Variants in CNOT4 observed in about 807,000 individuals in gnomAD.
CNOT4 encodes CCR4-NOT transcription complex subunit 4.
In CNOT4, 8 loss-of-function variants were observed where a neutral mutation model predicts 73.8. The ratio of observed to expected loss-of-function variants is 0.11; its 90% CI spans 0.06 to 0.20. The LOEUF is 0.20. Among genes scored for constraint, CNOT4 ranks in the 10% least tolerant of loss-of-function variants. CNOT4 has a pLI of 1.00. For missense variants in CNOT4, 564 were observed against 883.4 expected (o/e 0.64, Z 4.58); for synonymous variants, 293 against 321.1 (o/e 0.91, Z 0.94).
At chr7:135,425,563 C>G (rs928129069) in intron 2 of CNOT4, among the ~76,000 whole-genome samples, 1 of 152,110 alleles carries the variant, frequency 6.6e-6, no homozygotes, top group African/African-American at 2.4e-5. Flanking sequence ...GTTGTTGGAA[C>G]ATAACTGCTA....
intron 6 of CNOT4, among the ~76,000 whole-genome samples, chr7:135,412,866 T>A (rs983789821): frequency 4.6e-5 from 7 of 151,972 alleles, no homozygotes; most frequent in Admixed American, 4.6e-4. Flanking sequence ...ACATTTTTAC[T>A]TGTTAAGGCA....
chr7:135,486,358 T>C (rs1802719725), intron 1 of CNOT4, among the ~76,000 whole-genome samples: 2 of 152,068 alleles, frequency 1.3e-5, no homozygotes, highest in African/African-American at 4.8e-5. Context: ...CAATAAAATA[T>C]CACTACGGAT....
At chr7:135,394,909 A>ATG (rs1183886014) in intron 9 of CNOT4, among the ~76,000 whole-genome samples, 1 of 152,170 alleles carries the variant, frequency 6.6e-6, no homozygotes, top group Non-Finnish European at 1.5e-5. Flanking sequence ...GCTGTTGTCA[A>ATG]TGTTACTTTT....
At chr7:135,482,634 AG>A (rs2129487303) in intron 1 of CNOT4, among the ~76,000 whole-genome samples, 1 of 152,154 alleles carries the variant, frequency 6.6e-6, no homozygotes, top group Non-Finnish European at 1.5e-5. Flanking sequence ...AGGAAAAAAA[AG>A]AGAGAGAGAA....
At chr7:135,397,510 C>T (rs959144756) in intron 8 of CNOT4, among the ~76,000 whole-genome samples, 1 of 151,384 alleles carries the variant, frequency 6.6e-6, no homozygotes, top group African/African-American at 2.4e-5. Context: ...TTCATAAATA[C>T]TGTGGAGGAC....
intron 1 of CNOT4, among the ~76,000 whole-genome samples, chr7:135,496,789 A>G (rs1450817487): frequency 1.3e-5 from 2 of 152,042 alleles, no homozygotes; most frequent in Non-Finnish European, 2.9e-5. Flanking sequence ...CCAAAAGTTT[A>G]AGTTGAGTCC....
intron 8 of CNOT4, among the ~76,000 whole-genome samples, chr7:135,396,532 C>T (rs1374152556): frequency 6.6e-6 from 1 of 152,126 alleles, no homozygotes; most frequent in Non-Finnish European, 1.5e-5. Context: ...AGAGGCCAAA[C>T]ACAAATTATT....
At chr7:135,459,261 T>C (rs958637317) in intron 1 of CNOT4, among the ~76,000 whole-genome samples, 3 of 151,900 alleles carry the variant, frequency 2.0e-5, no homozygotes, top group Non-Finnish European at 4.4e-5. Context: ...CCCTAAACCA[T>C]GCTGTAAACA....
At chr7:135,408,194 A>C (rs147945919) in intron 7 of CNOT4, among the ~76,000 whole-genome samples, 7 of 152,342 alleles carry the variant, frequency 4.6e-5, no homozygotes, top group Non-Finnish European at 1.0e-4. Flanking sequence ...TTATATGTAA[A>C]GATGTTCATA....
At position 135,482,814 on chromosome 7, in the gene CNOT4, C is replaced by T. The variant is rs192782110; in HGVS notation, c.-93+27075G>A. On this transcript the variant is annotated intron_variant, in intron 1 of 11. Transcript: ENST00000541284. ...TGGCCAACGTGGTGAAACCCTGTCT[C>T]TAATTTTGTAAAAATACAAAAATTA... Among the ~76,000 whole-genome samples, 143 of 151,740 alleles carry T rather than the reference C, an allele frequency of 9.4e-4. 1 individual carries two copies. The highest frequency in any genetic ancestry group is 3.7e-3 in the Admixed American group (56 of 15,216).
intron 10 of CNOT4, chr7:135,387,648 G>A (rs1169446998): frequency 2.0e-6 from 2 of 984,120 alleles, no homozygotes; most frequent in African/African-American, 1.8e-5. Flanking sequence ...GATGCTTCAT[G>A]TAGGCAGAAT....
chr7:135,472,432 A>G (rs1440542541), intron 1 of CNOT4, among the ~76,000 whole-genome samples: 3 of 132,090 alleles, frequency 2.3e-5, no homozygotes, highest in African/African-American at 8.5e-5. Context: ...AGCAGAGATC[A>G]TGCCACTGCA....
chr7:135,378,984 CAAAAAAA>C (rs34447722), intron 10 of CNOT4, among the ~76,000 whole-genome samples: 1 of 97,148 alleles, frequency 1.0e-5, no homozygotes, highest in Non-Finnish European at 2.0e-5. Context: ...AACCCTGTCT[CAAAAAAA>C]AAAAAAAAAA....
At chr7:135,427,296 A>G (rs1798561257) in intron 2 of CNOT4, among the ~76,000 whole-genome samples, 1 of 151,860 alleles carries the variant, frequency 6.6e-6, no homozygotes, top group Non-Finnish European at 1.5e-5. Context: ...TGGTCTTTTC[A>G]GAGAACCAGC....
At chr7:135,477,768 A>G (rs1445967181) in intron 1 of CNOT4, among the ~76,000 whole-genome samples, 5 of 152,358 alleles carry the variant, frequency 3.3e-5, no homozygotes, top group African/African-American at 1.2e-4. Flanking sequence ...GTATATTAGT[A>G]TAACAAAAAC....
intron 7 of CNOT4, among the ~76,000 whole-genome samples, chr7:135,399,027 T>C (rs1317491894): frequency 6.6e-6 from 1 of 152,036 alleles, no homozygotes; most frequent in Non-Finnish European, 1.5e-5. Flanking sequence ...ATAGAGAAAA[T>C]GTAGTACCAT....
chr7:135,456,528 C>T (rs535685203), intron 1 of CNOT4, among the ~76,000 whole-genome samples: 13 of 152,014 alleles, frequency 8.6e-5, no homozygotes, highest in South Asian at 2.1e-4. Context: ...TATAATCATC[C>T]GTCGGTATCA....
At chr7:135,509,815 C>A (rs1446135592) in intron 1 of CNOT4, 74 bp downstream of exon 1, 1 of 383,062 alleles carries the variant, frequency 2.6e-6, no homozygotes, top group Non-Finnish European at 4.6e-6. Flanking sequence ...CCTGTACAGT[C>A]CCAGCGAAGC....
intron 1 of CNOT4, among the ~76,000 whole-genome samples, chr7:135,505,932 A>C (rs1309920798): frequency 6.6e-6 from 1 of 152,212 alleles, no homozygotes; most frequent in Non-Finnish European, 1.5e-5. Context: ...ATTAAAAACA[A>C]TTGTGAAGTT....
Sources: allele counts gnomAD v4.1 joint callset (sites outside exome capture counted in the v4.1 genomes callset), GRCh38; gene constraint gnomAD v4.1.1; transcripts MANE v1.5; gene names NCBI Gene and HGNC (gene_info 2026-07-23, HGNC 2026-07-21).